The following ZDHHC6 variants were observed in gnomAD, a reference collection of about 807,000 sequenced individuals.
ZDHHC6 encodes the protein zDHHC palmitoyltransferase 6.
Under a neutral mutation model 57.8 loss-of-function variants are expected in ZDHHC6, and 32 were observed. The observed-to-expected ratio is 0.55, with a 90% CI of 0.42 to 0.74. ZDHHC6 has a LOEUF of 0.74. Ranked by LOEUF, ZDHHC6 falls within the 30% of genes least tolerant of loss-of-function variation. The probability of loss-of-function intolerance (pLI) is 0.00; values close to 1 mark genes in which losing one functional copy is unlikely to be tolerated. For missense variants in ZDHHC6, 433 were observed against 500.7 expected, an observed-to-expected ratio of 0.86 and a Z score of 1.29; for synonymous variants, 128 against 158.0, an observed-to-expected ratio of 0.81 and a Z score of 1.42.
chr10:112,433,095 T>C (rs1394109011), intron 8 of ZDHHC6, 145 bp downstream of exon 8: 1 of 584,112 alleles, frequency 1.7e-6, no homozygotes, highest in Non-Finnish European at 2.6e-6. Flanking sequence ...AAAAGTTAAC[T>C]GCATCAAATT....
chr10:112,436,855 G>A (rs985226086), intron 6 of ZDHHC6, among the ~76,000 whole-genome samples: 1 of 152,100 alleles, frequency 6.6e-6, no homozygotes, highest in Non-Finnish European at 1.5e-5. Flanking sequence ...TTAACAGTCT[G>A]TGTGACAAAA....
intron 5 of ZDHHC6, among the ~76,000 whole-genome samples, chr10:112,439,555 G>A (rs1033381284): frequency 5.1e-5 from 7 of 136,522 alleles, no homozygotes; most frequent in African/African-American, 1.4e-4. Context: ...GCTTAAACCC[G>A]GAAGGCGGAG....
chr10:112,440,462 GCTTTGTCTCTTT>G, intron 5 of ZDHHC6, 60 bp downstream of exon 5: 1 of 1,474,802 alleles, frequency 6.8e-7, no homozygotes, highest in Non-Finnish European at 9.1e-7. Flanking sequence ...TTAAATACAG[GCTTTGTCTCTTT>G]CTTGTGCAAT....
downstream of ZDHHC6, chr10:112,427,291 A>G: frequency 6.2e-7 from 1 of 1,613,990 alleles, no homozygotes; most frequent in Non-Finnish European, 8.5e-7. Flanking sequence ...TTGAAAGCAA[A>G]GCGAGGAGAG....
In ZDHHC6 at chr10:112,442,310, T is replaced by C. The variant is rs752187239; in HGVS notation, c.401A>G (p.Asn134Ser). The C allele has an allele frequency of 1.2e-6, 2 of 1,613,780 alleles. No homozygotes were observed. Among genetic ancestry groups the C allele is most frequent in the Admixed American group, 3.3e-5 (2 of 59,944 alleles). ...AGCATGATTTTGGTAACCACAACAGTTGTTGATCCAAGGACAGTGATGGTC... is the reference window on the plus strand; with the variant it reads ...AGCATGATTTTGGTAACCACAACAGCTGTTGATCCAAGGACAGTGATGGTC... ...KMDHHCPWIN[N>S]CCGYQNHASF... The change falls in exon 4 of 11, where the codon AAC becomes AGC. Residue 134 changes from asparagine to serine, a missense_variant. Coordinates refer to ENST00000369405, the MANE Select transcript of ZDHHC6 (RefSeq NM_022494.3).
At chr10:112,428,115 G>A, downstream of ZDHHC6, 1 of 268,670 alleles carries the variant, frequency 3.7e-6, no homozygotes. Flanking sequence ...CTGCTGAGCT[G>A]GAAGCTGTGG....
chr10:112,445,113 C>CA, intron 2 of ZDHHC6, 57 bp downstream of exon 2: 2 of 1,553,938 alleles, frequency 1.3e-6, no homozygotes, highest in Non-Finnish European at 1.7e-6. Context: ...GTAGATAAGG[C>CA]AAAAACCAAA....
At chr10:112,427,517 T>G (rs1388375407), downstream of ZDHHC6, 9 of 566,814 alleles carry the variant, frequency 1.6e-5, no homozygotes, top group Non-Finnish European at 2.5e-5. Context: ...ATATAATGTG[T>G]AAACTTAGTT....
At chr10:112,427,184 A>G (rs1210861147), downstream of ZDHHC6, 1 of 1,586,126 alleles carries the variant, frequency 6.3e-7, no homozygotes, top group African/African-American at 1.4e-5. Context: ...CCAAATCACT[A>G]ATGAGCATGG....
chr10:112,443,556 T>G lies in ZDHHC6; in HGVS notation c.318A>C (p.Ala106=). 6 of 1,613,998 alleles carry G rather than the reference T, an allele frequency of 3.7e-6. No homozygotes were observed. The highest frequency in any genetic ancestry group is 5.1e-6 in the Non-Finnish European group (6 of 1,179,896). The change falls in exon 3 of 11, where the codon GCA becomes GCC. Residue 106 remains alanine, a synonymous_variant. Coordinates refer to ENST00000369405, the MANE Select transcript of ZDHHC6 (RefSeq NM_022494.3). ...AGTGATGTGAACGTGGTGCCTTGTA[T>G]GCTTGGCAGACTTTACAATACTGGA... ...MYLQYCKVCQ[A]YKAPRSHHCR...
chr10:112,432,173 A>G, intron 10 of ZDHHC6, 67 bp downstream of exon 10: 1 of 1,485,564 alleles, frequency 6.7e-7, no homozygotes, highest in East Asian at 2.3e-5. Context: ...TATAAAAGTT[A>G]TTCTTGTAAA....
downstream of ZDHHC6, chr10:112,425,337 G>A (rs1345514541): frequency 6.2e-7 from 1 of 1,610,416 alleles, no homozygotes; most frequent in Admixed American, 1.7e-5. Flanking sequence ...GTCTCATGTA[G>A]AATGGAACTC....
rs17129779 is a variant in ZDHHC6 at position 112,440,609 on chromosome 10, T to C, written c.606A>G (p.Ala202=). The change falls in exon 5 of 11, where the codon GCA becomes GCG. Residue 202 remains alanine, a synonymous_variant. Transcript: ENST00000369405. ...CCAAGGCAAACAAGGTGGTAGCAAA[T>C]GCAGCTAATCCAAATGGAACAATTG... is the stretch of plus-strand genomic sequence containing the variant. ...PLPIVPFGLA[A]FATTLFALGL... The C allele has an allele frequency of 1.4e-3, 2,294 of 1,614,072 alleles. 16 individuals carry two copies. In the African/African-American group the frequency reaches 0.026, roughly 18 times the overall value.
intron 10 of ZDHHC6, among the ~76,000 whole-genome samples, chr10:112,431,323 T>C (rs1017248640): frequency 6.6e-6 from 1 of 152,070 alleles, no homozygotes; most frequent in Non-Finnish European, 1.5e-5. Context: ...TTCTTTCTTT[T>C]TTTTTTTTGA....
At chr10:112,443,698 G>C (rs1309123397) in intron 2 of ZDHHC6, 92 bp from the exon 3 acceptor site, 2 of 923,336 alleles carry the variant, frequency 2.2e-6, no homozygotes, top group Non-Finnish European at 3.3e-6. Flanking sequence ...GGGCGATAGG[G>C]GAAGGAGAGA....
chr10:112,447,043 AGGG>A, upstream of ZDHHC6: 1 of 307,816 alleles, frequency 3.2e-6, no homozygotes, highest in East Asian at 4.6e-5. Flanking sequence ...CAGAACACGA[AGGG>A]GGGAAAAAAC....
At chr10:112,435,128 A>G (rs779161137) in intron 6 of ZDHHC6, among the ~76,000 whole-genome samples, 2 of 152,232 alleles carry the variant, frequency 1.3e-5, no homozygotes, top group African/African-American at 2.4e-5. Context: ...CATGTACATA[A>G]CTATTCAGCT....
chr10:112,442,489 A>C, intron 3 of ZDHHC6, 138 bp from the exon 4 acceptor site: 1 of 797,104 alleles, frequency 1.3e-6, no homozygotes, highest in Admixed American at 3.5e-5. Context: ...TGGAACAGAA[A>C]GAAAAATCTT....
chr10:112,443,902 AG>A (rs1846389460), intron 2 of ZDHHC6, among the ~76,000 whole-genome samples: 1 of 152,166 alleles, frequency 6.6e-6, no homozygotes, highest in Admixed American at 6.5e-5. Context: ...GTTCAGAAAA[AG>A]GTAGCTGACA....
Sources: allele counts gnomAD v4.1 joint callset (sites outside exome capture counted in the v4.1 genomes callset), GRCh38; gene constraint gnomAD v4.1.1; transcripts MANE v1.5; gene names NCBI Gene and HGNC (gene_info 2026-07-23, HGNC 2026-07-21).